Variants in NLGN1 observed in about 807,000 individuals in gnomAD.
NLGN1 encodes neuroligin-1.
NLGN1 carries 12 observed loss-of-function variants against 65.5 expected under a neutral mutation model. That is an observed-to-expected ratio of 0.18 (90% CI 0.12 to 0.30). The LOEUF is 0.30. Ranked by LOEUF, NLGN1 falls within the 10% of genes least tolerant of loss-of-function variation. The pLI is 1.00. For synonymous variants in NLGN1, 350 were observed against 359.5 expected (o/e 0.97, Z 0.30); for missense variants, 750 against 1,007.1 (o/e 0.74, Z 3.46).
intron 1 of NLGN1, among the ~76,000 whole-genome samples, chr3:173,424,633 C>T (rs78500869): frequency 0.041 from 6,264 of 152,244 alleles, 425 homozygotes; most frequent in African/African-American, 0.14. Context: ...GGCAAAATAC[C>T]GCCAGTCTCT....
intron 4 of NLGN1, among the ~76,000 whole-genome samples, chr3:173,887,046 A>AATTTTAAATAGTCAGTATTCATC (rs1734472731): frequency 6.6e-6 from 1 of 152,092 alleles, no homozygotes; most frequent in South Asian, 2.1e-4. Context: ...ATGTAGGTGA[A>AATTTTAAATAGTCAGTATTCATC]ATTTTAAATA....
rs183438616 is a variant in NLGN1, at chr3:173,804,277, A to T, written c.494-3403A>T. ...TGACAAACATTTGTACTTTTACTGG[A>T]ACTGAGTTAGTATTTTAAAATTTCT... On this transcript the variant is annotated intron_variant, in intron 3 of 6. Transcript: ENST00000457714. 1.5e-3 allele frequency among the ~76,000 whole-genome samples: 230 copies of T among 152,256 alleles called. 1 individual carries two copies. The highest frequency in any genetic ancestry group is 2.3e-3 in the Admixed American group (35 of 15,282).
At chr3:174,230,603 G>A (rs931619639) in intron 4 of NLGN1, among the ~76,000 whole-genome samples, 1 of 152,152 alleles carries the variant, frequency 6.6e-6, no homozygotes, top group Non-Finnish European at 1.5e-5. Flanking sequence ...ATGTGTTTTA[G>A]TGAAGTATCA....
chr3:174,034,963 A>G (rs2152479973), intron 4 of NLGN1, among the ~76,000 whole-genome samples: 1 of 152,310 alleles, frequency 6.6e-6, no homozygotes, highest in East Asian at 1.9e-4. Context: ...TTGGAGAAAG[A>G]TATGCCATGC....
intron 4 of NLGN1, among the ~76,000 whole-genome samples, chr3:174,120,668 A>G (rs532929061): frequency 1.5e-4 from 23 of 152,320 alleles, no homozygotes; most frequent in African/African-American, 5.5e-4. Context: ...AAACAACTGG[A>G]GATCTCACAA....
chr3:174,036,752 C>T (rs1355403637), intron 4 of NLGN1, among the ~76,000 whole-genome samples: 1 of 152,010 alleles, frequency 6.6e-6, no homozygotes, highest in East Asian at 1.9e-4. Flanking sequence ...TCTCCCTCTG[C>T]CCACCCTGTG....
chr3:173,838,660 A>C (rs1285512967), intron 4 of NLGN1, among the ~76,000 whole-genome samples: 2 of 152,240 alleles, frequency 1.3e-5, no homozygotes, highest in Non-Finnish European at 2.9e-5. Context: ...TGAATGAATG[A>C]ATCACTGCTG....
intron 2 of NLGN1, among the ~76,000 whole-genome samples, chr3:173,446,816 G>T (rs1477407168): frequency 6.6e-6 from 1 of 152,212 alleles, no homozygotes; most frequent in Non-Finnish European, 1.5e-5. Flanking sequence ...GATGGCCAGC[G>T]AGGATGAACA....
At chr3:174,144,590 T>A (rs1722868484) in intron 4 of NLGN1, among the ~76,000 whole-genome samples, 1 of 152,208 alleles carries the variant, frequency 6.6e-6, no homozygotes, top group South Asian at 2.1e-4. Flanking sequence ...GTTTCCTGAC[T>A]TTTTAATGAT....
At chr3:174,035,678 C>T (rs1174742513) in intron 4 of NLGN1, among the ~76,000 whole-genome samples, 2 of 152,176 alleles carry the variant, frequency 1.3e-5, no homozygotes, top group Non-Finnish European at 2.9e-5. Context: ...GCAAACACCT[C>T]GTCCTACAGA....
intron 4 of NLGN1, among the ~76,000 whole-genome samples, chr3:174,011,650 G>A (rs1479131288): frequency 1.3e-5 from 2 of 152,012 alleles, no homozygotes; most frequent in Non-Finnish European, 2.9e-5. Flanking sequence ...CTGAAACCGT[G>A]GGGCCCTAGG....
At chr3:174,203,347 G>A (rs939279452) in intron 4 of NLGN1, among the ~76,000 whole-genome samples, 7 of 152,148 alleles carry the variant, frequency 4.6e-5, no homozygotes, top group Non-Finnish European at 8.8e-5. Flanking sequence ...AAGTGTATTC[G>A]TGCACAGAGG....
At chr3:174,270,485 T>C (rs904574853) in intron 4 of NLGN1, among the ~76,000 whole-genome samples, 24 of 151,878 alleles carry the variant, frequency 1.6e-4, no homozygotes, top group African/African-American at 5.8e-4. Context: ...AAATACATTA[T>C]ATTTTAAACA....
intron 2 of NLGN1, among the ~76,000 whole-genome samples, chr3:173,559,243 A>G (rs1213824040): frequency 1.3e-5 from 2 of 152,210 alleles, no homozygotes; most frequent in Admixed American, 6.5e-5. Flanking sequence ...GCAAAATTCA[A>G]TAGGCGAGAA....
At chr3:173,760,695 T>G (rs6445118) in intron 3 of NLGN1, among the ~76,000 whole-genome samples, 10,668 of 151,966 alleles carry the variant, frequency 0.07, 529 homozygotes, top group African/African-American at 0.15. Flanking sequence ...ATAGATAAAT[T>G]TATAGATCTG....
chr3:174,256,910 T>C (rs1745878277), intron 4 of NLGN1, among the ~76,000 whole-genome samples: 1 of 152,026 alleles, frequency 6.6e-6, no homozygotes, highest in Admixed American at 6.6e-5. Context: ...AATTGACAAA[T>C]GGGATCTAAT....
chr3:173,397,823 G>C (rs1716893221), upstream of NLGN1: 1 of 152,190 alleles, frequency 6.6e-6, no homozygotes, highest in Non-Finnish European at 1.5e-5. Context: ...CGGAGCTGGC[G>C]TGGGGAGACA....
chr3:173,807,784 T>C (rs1480509295), exon 4 of NLGN1: 2 of 1,613,758 alleles, frequency 1.2e-6, no homozygotes, highest in South Asian at 2.2e-5. Context: ...CTTGGCAAGT[T>C]ATGGCAATGT....
At chr3:173,453,186 A>G (rs1721927809) in intron 2 of NLGN1, among the ~76,000 whole-genome samples, 1 of 150,516 alleles carries the variant, frequency 6.6e-6, no homozygotes, top group Non-Finnish European at 1.5e-5. Context: ...TGCAGTCTCC[A>G]CTTGCCAGGC....
Sources: allele counts gnomAD v4.1 joint callset (sites outside exome capture counted in the v4.1 genomes callset), GRCh38; gene constraint gnomAD v4.1.1; transcripts MANE v1.5; gene names NCBI Gene and HGNC (gene_info 2026-07-23, HGNC 2026-07-21).